The following RIN2 variants were observed in gnomAD, a reference collection of about 807,000 sequenced individuals.
RIN2 encodes the protein Ras and Rab interactor 2, also known as RAB5 interacting protein 2.
Under a neutral mutation model 78.0 loss-of-function variants are expected in RIN2, and 36 were observed. The ratio of observed to expected loss-of-function variants is 0.46; its 90% CI spans 0.35 to 0.61. RIN2 has a LOEUF of 0.61. Among genes scored for constraint, RIN2 ranks in the 20% least tolerant of loss-of-function variants. RIN2 has a pLI of 0.00. For missense variants in RIN2, 1,087 were observed against 1,159.7 expected (o/e 0.94, Z 0.91); for synonymous variants, 466 against 466.8 (o/e 1.00, Z 0.02).
Position 19,992,037 on chromosome 20 carries a change from C to T in RIN2, c.2069-131C>T, listed in dbSNP as rs1026748682. 1.2e-4 allele frequency: 121 copies of T among 1,040,978 alleles called. 2 individuals are homozygous for T. Among genetic ancestry groups the T allele is most frequent in the Admixed American group, 2.9e-5 (1 of 35,080 alleles). 64.5% of individuals were successfully genotyped at this position (1,040,978 alleles called of 1,614,324 possible). A position where few individuals can be genotyped will look rare whatever the true frequency, so the allele number is the denominator to read the frequency against. Reference sequence around the variant, plus strand: ...GAGGCTACATAGGATTCCAGAAACACTCACCTCTGTTTATAAATAGCACAG... The same window carrying T: ...GAGGCTACATAGGATTCCAGAAACATTCACCTCTGTTTATAAATAGCACAG... On this transcript the variant is annotated intron_variant, in intron 10 of 12. Transcript: ENST00000255006.
At chr20:19,929,625 G>A (rs1379807320) in intron 3 of RIN2, among the ~76,000 whole-genome samples, 2 of 152,144 alleles carry the variant, frequency 1.3e-5, no homozygotes, top group African/African-American at 2.4e-5. Flanking sequence ...GCCTCCGGAA[G>A]TGCTGGGATT....
At chr20:19,947,067 G>T (rs1841344569) in intron 4 of RIN2, among the ~76,000 whole-genome samples, 1 of 149,426 alleles carries the variant, frequency 6.7e-6, no homozygotes, top group African/African-American at 2.5e-5. Flanking sequence ...ACCATAATTA[G>T]GAAACACACT....
chr20:19,918,803 C>T (rs1480572861), intron 3 of RIN2, among the ~76,000 whole-genome samples: 1 of 151,564 alleles, frequency 6.6e-6, no homozygotes, highest in Non-Finnish European at 1.5e-5. Flanking sequence ...TACAAAATGA[C>T]ATCTGGGATG....
intron 7 of RIN2, among the ~76,000 whole-genome samples, chr20:19,965,864 G>C (rs959220747): frequency 6.6e-6 from 1 of 152,032 alleles, no homozygotes; most frequent in Non-Finnish European, 1.5e-5. Flanking sequence ...CACCCACCTC[G>C]GCCTCCCAAA....
Position 19,937,859 on chromosome 20 carries a change from G to T in RIN2, c.158+2660G>T, listed in dbSNP as rs114328780. 4.9e-3 allele frequency among the ~76,000 whole-genome samples: 747 copies of T among 152,330 alleles called. 2 individuals carry two copies. Among genetic ancestry groups the T allele is most frequent in the African/African-American group, 0.017 (727 of 41,580 alleles). On this transcript the variant is annotated intron_variant, in intron 4 of 12. Coordinates refer to ENST00000255006, the MANE Select transcript of RIN2 (RefSeq NM_018993.4). ...GGTGAAACCTCTGTGGTTTCTGTTG[G>T]TGACAAAATCACAGGTCGTGATACT...
intron 7 of RIN2, among the ~76,000 whole-genome samples, chr20:19,968,539 G>A (rs2042009585): frequency 6.6e-6 from 1 of 152,076 alleles, no homozygotes; most frequent in Admixed American, 6.5e-5. Flanking sequence ...AGTGGGAGAC[G>A]ATGCATATAC....
chr20:19,916,440 G>C (rs558643503), intron 3 of RIN2, among the ~76,000 whole-genome samples: 1 of 152,066 alleles, frequency 6.6e-6, no homozygotes, highest in Non-Finnish European at 1.5e-5. Flanking sequence ...ACAAACTAGC[G>C]AGATTCCATC....
chr20:19,887,415 A>T (rs748411894), intron 2 of RIN2, among the ~76,000 whole-genome samples: 3 of 152,096 alleles, frequency 2.0e-5, no homozygotes, highest in Admixed American at 6.5e-5. Context: ...ATTTAATCCC[A>T]TGGGATGTAC....
intron 1 of RIN2, among the ~76,000 whole-genome samples, chr20:19,767,531 A>G (rs1417325854): frequency 6.6e-6 from 1 of 152,234 alleles, no homozygotes; most frequent in East Asian, 1.9e-4. Context: ...CTGAGAGACC[A>G]GAGGGCAGGA....
intron 3 of RIN2, among the ~76,000 whole-genome samples, chr20:19,920,829 T>C (rs1013344975): frequency 2.0e-5 from 3 of 152,138 alleles, no homozygotes; most frequent in Admixed American, 1.3e-4. Flanking sequence ...GTGTGCACCA[T>C]GTCCAGCTAA....
At position 19,956,656 on chromosome 20, in the gene RIN2, A is replaced by G. The variant is rs375464366; in HGVS notation, c.200A>G (p.Asp67Gly). 1.0e-4 allele frequency: 168 copies of G among 1,613,410 alleles called. No homozygotes were observed. The highest frequency in any genetic ancestry group is 1.4e-4 in the Non-Finnish European group (165 of 1,179,746). Reference protein sequence around the residue: ...HKDGGYSEEEDVKTCARDSGY... With the variant: ...HKDGGYSEEEGVKTCARDSGY... ...GATGGTGGCTATTCCGAGGAAGAGG[A>G]CGTGAAGACCTGTGCCCGGGACTCA... Residue 67 changes from aspartate to glycine, a missense_variant, in exon 5 of 13, where the codon GAC (aspartate) becomes GGC (glycine). Physicochemically the swap from Asp to Gly is moderately conservative, Grantham distance 94. This residue lies in a region of RIN2 where 706 missense variants were observed against 667.5 expected (regional missense o/e 1.06). Transcript: ENST00000255006.
intron 9 of RIN2, among the ~76,000 whole-genome samples, chr20:19,979,794 G>C (rs768088007): frequency 3.3e-5 from 5 of 151,986 alleles, no homozygotes; most frequent in Admixed American, 2.0e-4. Flanking sequence ...TGTAATCTCA[G>C]CACTTAAGGA....
intron 5 of RIN2, among the ~76,000 whole-genome samples, chr20:19,957,407 T>C (rs1164775785): frequency 1.3e-5 from 2 of 152,230 alleles, no homozygotes; most frequent in East Asian, 3.9e-4. Flanking sequence ...CCGGGCACGG[T>C]GGCTCACGCC....
chr20:19,773,604 C>T (rs1056466107), intron 1 of RIN2, among the ~76,000 whole-genome samples: 1 of 152,008 alleles, frequency 6.6e-6, no homozygotes, highest in Non-Finnish European at 1.5e-5. Flanking sequence ...TGGGTGGTTC[C>T]TGAGCTTTGA....
At chr20:19,784,337 T>C (rs1217772286) in intron 1 of RIN2, among the ~76,000 whole-genome samples, 1 of 152,122 alleles carries the variant, frequency 6.6e-6, no homozygotes, top group South Asian at 2.1e-4. Context: ...TGTGTGTGTA[T>C]GTGTGTGTGT....
In RIN2 at chr20:19,897,191, C is replaced by T. The variant is rs541736516; in HGVS notation, c.57+7533C>T. On this transcript the variant is annotated intron_variant, in intron 3 of 12. Coordinates refer to ENST00000255006, the MANE Select transcript of RIN2 (RefSeq NM_018993.4). ...AACAATCTCTGCTCACTGCAACCTC[C>T]GCCTTCTGAGTTCAAGTGATTCTCC... 4.1e-4 allele frequency among the ~76,000 whole-genome samples: 63 copies of T among 152,108 alleles called. 1 individual carries two copies. The highest frequency in any genetic ancestry group is 3.1e-4 in the Non-Finnish European group (21 of 68,028).
rs377188909 is a variant in RIN2, at chr20:19,975,152, C to T, written c.1127C>T (p.Thr376Ile). 35 of 1,612,612 alleles carry T rather than the reference C, an allele frequency of 2.2e-5. No homozygotes were observed. The highest frequency in any genetic ancestry group is 2.8e-5 in the Non-Finnish European group (33 of 1,179,744). ...CTGGAAGCAGAGGGCGGTGCAAAGA[C>T]CTTGAGCGGCGGCCGGCCGGGCGCA... ...SFLEAEGGAK[T>I]LSGGRPGAGP... Residue 376 changes from threonine (T) to isoleucine (I), a missense_variant, in exon 9 of 13, where the codon ACC (threonine) becomes ATC (isoleucine). By Grantham distance (89) the Thr-to-Ile change is moderately conservative. Transcript: ENST00000255006. This position sits in a 1 kb window ranked among gnomAD's most constrained non-coding sequence, Gnocchi z 4.9.
chr20:19,839,586 T>C (rs1179493622), intron 2 of RIN2, among the ~76,000 whole-genome samples: 3 of 152,218 alleles, frequency 2.0e-5, no homozygotes, highest in Non-Finnish European at 2.9e-5. Context: ...AGAGAATTGC[T>C]TGGCTAGAGA....
At chr20:19,809,329 A>G (rs1348602334) in intron 2 of RIN2, 1 of 152,410 alleles carries the variant, frequency 6.6e-6, no homozygotes, top group Non-Finnish European at 1.5e-5. Context: ...TGAAACAGTC[A>G]TAAATGTTGG....
Sources: gnomAD v4.1 joint callset for allele counts (sites outside exome capture counted in the v4.1 genomes callset) on GRCh38, gnomAD v4.1.1 for gene constraint, gnomAD v4.1.1 regional missense constraint, Gnocchi (gnomAD v3.1) non-coding constraint, MANE v1.5 for transcripts, NCBI Gene and HGNC (gene_info 2026-07-23, HGNC 2026-07-21) for gene names.